The following CDK14 variants were observed in gnomAD, a reference collection of about 807,000 sequenced individuals.
CDK14 encodes the protein cyclin-dependent kinase 14.
In CDK14, 34 loss-of-function variants were observed where a neutral mutation model predicts 60.7. That is an observed-to-expected ratio of 0.56 (90% confidence interval 0.43 to 0.75). The LOEUF (loss-of-function observed/expected upper bound fraction) is 0.75, where lower values mean the gene tolerates loss of function less well. CDK14 is among the 30% of genes least tolerant of loss of function. The pLI is 0.00. For synonymous variants in CDK14, 197 were observed against 203.7 expected (o/e 0.97, Z 0.28); for missense variants, 482 against 564.1 (o/e 0.85, Z 1.47).
intron 5 of CDK14, among the ~76,000 whole-genome samples, chr7:90,831,101 T>C (rs1264677057): frequency 6.6e-6 from 1 of 152,226 alleles, no homozygotes; most frequent in Non-Finnish European, 1.5e-5. Flanking sequence ...CACTTCCACA[T>C]TTTCAGGTAT....
At chr7:91,120,003 G>T (rs983828234) in intron 14 of CDK14, among the ~76,000 whole-genome samples, 21 of 152,100 alleles carry the variant, frequency 1.4e-4, no homozygotes, top group African/African-American at 4.8e-4. Flanking sequence ...AATTCATGAG[G>T]GTTACAGCAT....
At chr7:90,627,221 T>A (rs1799893946) in intron 2 of CDK14, among the ~76,000 whole-genome samples, 2 of 151,978 alleles carry the variant, frequency 1.3e-5, no homozygotes, top group African/African-American at 4.8e-5. Flanking sequence ...AGCACAGATT[T>A]TTTTTTTTTG....
Position 90,890,062 on chromosome 7 carries a change from A to T in CDK14, c.640-9229A>T, listed in dbSNP as rs149218077. ...AAATGCTTGCAATGTTTTGTTTGTT[A>T]TTCACTGTTTTGAAAACGGACTCCT... On this transcript the variant is annotated intron_variant, in intron 6 of 14. Transcript: ENST00000380050. Among the ~76,000 whole-genome samples the T allele has an allele frequency of 3.7e-3, 571 of 152,298 alleles. 1 individual carries two copies. Among genetic ancestry groups the T allele is most frequent in the Non-Finnish European group, 6.3e-3 (431 of 68,016 alleles).
chr7:90,927,021 G>A (rs1326457798), intron 8 of CDK14, among the ~76,000 whole-genome samples: 2 of 152,200 alleles, frequency 1.3e-5, no homozygotes, highest in African/African-American at 2.4e-5. Flanking sequence ...GGTGCTCAGA[G>A]CTTCCAGGCA....
rs1300843182 is a variant in CDK14, at chr7:91,118,205, A to G, written c.*25A>G. 7.1e-7 allele frequency: 1 copy of G among 1,407,618 alleles called. No individual in the cohort carries two copies. The highest frequency in any genetic ancestry group is 1.4e-5 in the African/African-American group (1 of 70,696). 87.2% of individuals were successfully genotyped at this position (1,407,618 alleles called of 1,614,324 possible). A position where few individuals can be genotyped will look rare whatever the true frequency, so the allele number is the denominator to read the frequency against. ...ACAAGCAGCACATTCTCAAGAGCAC[A>G]CAGGTAAGAGGACCTGCTTTACCTG... On this transcript the variant is annotated 3_prime_UTR_variant, in exon 14 of 15. Transcript: ENST00000380050.
chr7:90,802,441 G>A (rs1185114368), intron 5 of CDK14, among the ~76,000 whole-genome samples: 1 of 152,202 alleles, frequency 6.6e-6, no homozygotes, highest in Non-Finnish European at 1.5e-5. Flanking sequence ...AGACTTTAGA[G>A]ATTACCTTGT....
intron 14 of CDK14, among the ~76,000 whole-genome samples, chr7:91,121,399 TG>T (rs1799779001): frequency 6.6e-6 from 1 of 152,170 alleles, no homozygotes; most frequent in Non-Finnish European, 1.5e-5. Context: ...GAGGTAAATG[TG>T]GAAAATGCAT....
chr7:91,091,284 A>G (rs1798800327), intron 12 of CDK14, among the ~76,000 whole-genome samples: 1 of 145,410 alleles, frequency 6.9e-6, no homozygotes, highest in Admixed American at 6.9e-5. Context: ...ATAAATATAT[A>G]TGTATATATT....
At chr7:90,779,334 C>A (rs973130744) in intron 4 of CDK14, among the ~76,000 whole-genome samples, 3 of 152,092 alleles carry the variant, frequency 2.0e-5, no homozygotes, top group African/African-American at 7.2e-5. Context: ...CTTGCTATAA[C>A]CTTGAACTCT....
intron 2 of CDK14, among the ~76,000 whole-genome samples, chr7:90,618,249 G>A (rs1248994824): frequency 6.6e-6 from 1 of 152,168 alleles, no homozygotes; most frequent in Non-Finnish European, 1.5e-5. Context: ...TGGGTATAGG[G>A]AGAAACATTC....
At chr7:90,729,172 G>A (rs772516994) in intron 3 of CDK14, among the ~76,000 whole-genome samples, 6 of 151,584 alleles carry the variant, frequency 4.0e-5, no homozygotes, top group Non-Finnish European at 5.9e-5. Context: ...ATAGGGGGCT[G>A]GCCGAGGGAG....
chr7:90,598,338 G>A (rs530875386), intron 1 of CDK14, among the ~76,000 whole-genome samples: 66 of 152,232 alleles, frequency 4.3e-4, no homozygotes, highest in African/African-American at 1.6e-3. Context: ...GGCAAATGGG[G>A]GTATTATAGT....
chr7:90,746,677 G>A (rs1330343494), intron 3 of CDK14, among the ~76,000 whole-genome samples: 1 of 152,138 alleles, frequency 6.6e-6, no homozygotes, highest in African/African-American at 2.4e-5. Context: ...TCTCCACCAT[G>A]GAGGACAACA....
chr7:91,173,546 G>A (rs1414596304), intron 14 of CDK14, among the ~76,000 whole-genome samples: 15 of 152,130 alleles, frequency 9.9e-5, no homozygotes, highest in East Asian at 9.7e-4. Context: ...CTGAGGTACC[G>A]GGTTCATCTC....
At chr7:90,651,681 G>T (rs1800645852) in intron 2 of CDK14, among the ~76,000 whole-genome samples, 1 of 151,918 alleles carries the variant, frequency 6.6e-6, no homozygotes, top group Admixed American at 6.6e-5. Context: ...TTCTTGCCAG[G>T]TGACAGTCAT....
At chr7:90,781,677 C>CT (rs1473485037) in intron 4 of CDK14, among the ~76,000 whole-genome samples, 1 of 151,208 alleles carries the variant, frequency 6.6e-6, no homozygotes, top group East Asian at 1.9e-4. Flanking sequence ...ATAGGGAATC[C>CT]TTTCCCCATT....
intron 5 of CDK14, among the ~76,000 whole-genome samples, chr7:90,843,749 CTG>C (rs113374320): frequency 2.0e-5 from 3 of 152,072 alleles, no homozygotes; most frequent in South Asian, 2.1e-4. Flanking sequence ...GAAAGTCCAC[CTG>C]ATGATTAGAG....
intron 12 of CDK14, among the ~76,000 whole-genome samples, chr7:91,084,345 T>A (rs1164425344): frequency 6.6e-6 from 1 of 152,200 alleles, no homozygotes; most frequent in Non-Finnish European, 1.5e-5. Context: ...AAGCCTGACT[T>A]CCTCTGTCCT....
chr7:90,777,065 A>G (rs1300994535), intron 4 of CDK14, among the ~76,000 whole-genome samples: 1 of 151,972 alleles, frequency 6.6e-6, no homozygotes, highest in African/African-American at 2.4e-5. Flanking sequence ...CCTTGTTTGG[A>G]TCAGATTTTT....
Sources: allele counts gnomAD v4.1 joint callset (sites outside exome capture counted in the v4.1 genomes callset), GRCh38; gene constraint gnomAD v4.1.1; transcripts MANE v1.5; gene names NCBI Gene and HGNC (gene_info 2026-07-23, HGNC 2026-07-21).